Variants in CDK12 observed in about 807,000 individuals in gnomAD.
The protein encoded by CDK12 is cyclin dependent kinase 12.
In CDK12, 17 loss-of-function variants were observed where a neutral mutation model predicts 133.8. The ratio of observed to expected loss-of-function variants is 0.13; its 90% CI spans 0.09 to 0.19. The LOEUF (loss-of-function observed/expected upper bound fraction) is 0.19. Ranked by LOEUF, CDK12 falls within the 10% of genes least tolerant of loss-of-function variation. The pLI, the probability that CDK12 is intolerant of heterozygous loss-of-function variation, is 1.00. For missense variants in CDK12, 1,508 were observed against 1,818.7 expected (o/e 0.83, Z 3.11); for synonymous variants, 694 against 683.6 (o/e 1.02, Z -0.24).
intron 8 of CDK12, among the ~76,000 whole-genome samples, chr17:39,512,377 G>T (rs2053555190): frequency 6.6e-6 from 1 of 152,198 alleles, no homozygotes; most frequent in South Asian, 2.1e-4. Context: ...TCTAACAAAA[G>T]TTATATAATA....
chr17:39,502,637 A>G (rs1217134584), intron 6 of CDK12, among the ~76,000 whole-genome samples: 1 of 152,214 alleles, frequency 6.6e-6, no homozygotes, highest in Non-Finnish European at 1.5e-5. Flanking sequence ...AGGAGAAATA[A>G]ATAAATTACT....
In CDK12 at chr17:39,510,759, A is replaced by G. The variant is rs375367193; in HGVS notation, c.2667-770A>G. On this transcript the variant is annotated intron_variant, in intron 7 of 13. Transcript: ENST00000447079. ...CTCCTGACTAGCTGGGATTACAGGCATGTGCTGCCATGCCCGGCTAATTTT... is the reference window on the plus strand; with the variant it reads ...CTCCTGACTAGCTGGGATTACAGGCGTGTGCTGCCATGCCCGGCTAATTTT... Among the ~76,000 whole-genome samples the G allele has an allele frequency of 4.0e-5, 6 of 151,366 alleles. No homozygotes were observed. In the East Asian group the frequency reaches 1.0e-3, roughly 25 times the overall value.
intron 8 of CDK12, among the ~76,000 whole-genome samples, chr17:39,513,451 A>ACTCAAG (rs2053612428): frequency 6.6e-6 from 1 of 152,022 alleles, no homozygotes; most frequent in Non-Finnish European, 1.5e-5. Flanking sequence ...GTTAAATTTT[A>ACTCAAG]CTGACTCAAG....
At position 39,497,483 on chromosome 17, in the gene CDK12, C is replaced by T. The variant is rs150335628; in HGVS notation, c.2419+2789C>T. Reference sequence around the variant, plus strand: ...GTTTGAACCCGGGAGGTAGAGATTGCAGTGAGCCGAGATTGAGTTACTGCA... The same window carrying T: ...GTTTGAACCCGGGAGGTAGAGATTGTAGTGAGCCGAGATTGAGTTACTGCA... On this transcript the variant is annotated intron_variant, in intron 5 of 13. Transcript: ENST00000447079. 4.2e-3 allele frequency among the ~76,000 whole-genome samples: 637 copies of T among 150,578 alleles called. 6 individuals carry two copies. Among genetic ancestry groups the T allele is most frequent in the African/African-American group, 0.015 (607 of 40,894 alleles).
intron 7 of CDK12, among the ~76,000 whole-genome samples, chr17:39,511,251 G>T (rs1351507376): frequency 1.3e-5 from 2 of 149,296 alleles, no homozygotes; most frequent in Non-Finnish European, 3.0e-5. Flanking sequence ...AGATCTTGCT[G>T]TGTTGACCAG....
In CDK12 at chr17:39,462,455, C is replaced by T. The variant is rs779742493; in HGVS notation, c.384C>T (p.Thr128=). 331 of 1,613,794 alleles carry T rather than the reference C, an allele frequency of 2.1e-4. 9 individuals are homozygous for T. The South Asian group carries it at 3.5e-3, about 17-fold the overall frequency. Residue 128 remains threonine (T), a synonymous_variant, in exon 1 of 14, where the codon ACC becomes ACT. Coordinates refer to ENST00000447079, the MANE Select transcript of CDK12 (RefSeq NM_016507.4). ...RSRDLLKAKQ[T]EKEKSQEVSS... is the part of the protein sequence containing the mutation. ...GGGACTTACTAAAAGCTAAACAGAC[C>T]GAAAAAGAAAAAAGCCAAGAAGTCT...
In CDK12 at chr17:39,479,511, G is replaced by A. The variant is rs115459001; in HGVS notation, c.1931+7748G>A. Among the ~76,000 whole-genome samples the A allele has an allele frequency of 7.6e-3, 1,160 of 152,184 alleles. 18 individuals carry two copies. The highest frequency in any genetic ancestry group is 0.026 in the African/African-American group (1,097 of 41,520). Reference sequence around the variant, plus strand: ...ATGGGTAAATAAAACTTCTAATGGAGCCAGGATCAGGGCTTGTGTGAAATG... The same window carrying A: ...ATGGGTAAATAAAACTTCTAATGGAACCAGGATCAGGGCTTGTGTGAAATG... On this transcript the variant is annotated intron_variant, in intron 2 of 13. Coordinates refer to ENST00000447079, the MANE Select transcript of CDK12 (RefSeq NM_016507.4).
In CDK12 at chr17:39,470,877, A is replaced by G. The variant is rs138292741; in HGVS notation, c.1047-2A>G. 811 of 1,589,970 alleles carry G rather than the reference A, an allele frequency of 5.1e-4. 3 individuals carry two copies. The highest frequency in any genetic ancestry group is 1.5e-3 in the Middle Eastern group (8 of 5,492). On this transcript the variant is annotated splice_acceptor_variant, in intron 1 of 13. Transcript: ENST00000447079. LOFTEE classifies it high-confidence loss of function. ...TTTAAAACTGGCTTTTTATTTTTCC[A>G]GTAGGAAATCCATGAAGTCCAGAAG...
intron 8 of CDK12, among the ~76,000 whole-genome samples, chr17:39,512,832 A>C (rs981752080): frequency 6.6e-6 from 1 of 152,230 alleles, no homozygotes; most frequent in Non-Finnish European, 1.5e-5. Context: ...GTAGTTTCCT[A>C]GTATCCTTCA....
intron 4 of CDK12, 97 bp from the exon 5 acceptor site, chr17:39,494,427 A>G (rs2051907380): frequency 1.0e-6 from 1 of 965,496 alleles, no homozygotes; most frequent in East Asian, 2.5e-5. Context: ...TAAAGTAAGC[A>G]CTAAGTTTGT....
chr17:39,487,172 T>C (rs958821804), intron 2 of CDK12, among the ~76,000 whole-genome samples: 1 of 152,218 alleles, frequency 6.6e-6, no homozygotes, highest in African/African-American at 2.4e-5. Flanking sequence ...CTCCACTGAC[T>C]ATCCCAGTTC....
At chr17:39,483,965 C>G (rs1439445594) in intron 2 of CDK12, among the ~76,000 whole-genome samples, 1 of 151,744 alleles carries the variant, frequency 6.6e-6, no homozygotes, top group Non-Finnish European at 1.5e-5. Context: ...GCCTCAACTT[C>G]CCAAGTGGCT....
Position 39,470,504 on chromosome 17 carries a change from G to A in CDK12, c.1047-375G>A, listed in dbSNP as rs570753240. 2.6e-5 allele frequency among the ~76,000 whole-genome samples: 4 copies of A among 152,274 alleles called. No individual in the cohort carries two copies. In the East Asian group the frequency reaches 7.7e-4, roughly 29 times the overall value. Reference sequence around the variant, plus strand: ...AAAATTGTGAAGATAGCGCAAAGAAGTCTCATATATCCCTGCATCCAGTTT... The same window carrying A: ...AAAATTGTGAAGATAGCGCAAAGAAATCTCATATATCCCTGCATCCAGTTT... On this transcript the variant is annotated intron_variant, in intron 1 of 13. Coordinates refer to ENST00000447079, the MANE Select transcript of CDK12 (RefSeq NM_016507.4).
chr17:39,486,385 C>T (rs534589011), intron 2 of CDK12, among the ~76,000 whole-genome samples: 6 of 151,740 alleles, frequency 4.0e-5, no homozygotes, highest in Admixed American at 1.3e-4. Flanking sequence ...CTCGCTTCAG[C>T]CTCGATAGTA....
intron 2 of CDK12, among the ~76,000 whole-genome samples, chr17:39,480,775 A>G (rs1021224081): frequency 2.0e-5 from 3 of 152,162 alleles, no homozygotes; most frequent in Non-Finnish European, 4.4e-5. Flanking sequence ...GTACTAGCTC[A>G]GGTATCAAAT....
intron 5 of CDK12, 107 bp from the exon 6 acceptor site, chr17:39,501,143 T>C: frequency 4.3e-6 from 3 of 703,292 alleles, no homozygotes; most frequent in Non-Finnish European, 6.8e-6. Flanking sequence ...AAGGGTTTTT[T>C]CTAGAGAACC....
rs1567730100 is a variant in CDK12 at position 39,495,387 on chromosome 17, T to TGTTTTTTG, written c.2419+693_2419+694insGTTTTTTG. ...GCTACCATGACTGGCCTCATGTGTT[T>TGTTTTTTG]TTTTTTTTTTTTTTTTTTTTTTTTT... On this transcript the variant is annotated intron_variant, in intron 5 of 13. Coordinates refer to ENST00000447079, the MANE Select transcript of CDK12 (RefSeq NM_016507.4). Among the ~76,000 whole-genome samples, 7 of 1,274 alleles carry TGTTTTTTG rather than the reference T, an allele frequency of 5.5e-3. 3 individuals carry two copies. Among genetic ancestry groups the TGTTTTTTG allele is most frequent in the Non-Finnish European group, 8.2e-3 (4 of 486 alleles). 0.8% of individuals were successfully genotyped at this position (1,274 alleles called of 152,430 possible). A position where few individuals can be genotyped will look rare whatever the true frequency, so the allele number is the denominator to read the frequency against.
At chr17:39,553,062 G>A (rs1052335066) in intron 2 of CDK12, among the ~76,000 whole-genome samples, 4 of 152,090 alleles carry the variant, frequency 2.6e-5, no homozygotes, top group South Asian at 2.1e-4. Context: ...AGATCTTTGC[G>A]GGGAAGAGGG....
At chr17:39,523,772 G>A (rs2054322437) in intron 11 of CDK12, among the ~76,000 whole-genome samples, 2 of 152,084 alleles carry the variant, frequency 1.3e-5, no homozygotes, top group South Asian at 2.1e-4. Flanking sequence ...TCCTGCTTCA[G>A]CCTCCTTAGT....
Sources: allele counts gnomAD v4.1 joint callset (sites outside exome capture counted in the v4.1 genomes callset), GRCh38; gene constraint gnomAD v4.1.1; transcripts MANE v1.5; gene names NCBI Gene and HGNC (gene_info 2026-07-23, HGNC 2026-07-21).